Variants in LMO1 observed in about 807,000 individuals in gnomAD.
The protein encoded by LMO1 is LIM domain only 1, also known as rhombotin-1.
Under a neutral mutation model 18.0 loss-of-function variants are expected in LMO1, and 10 were observed. The ratio of observed to expected loss-of-function variants is 0.55; its 90% CI spans 0.34 to 0.94. LMO1 has a LOEUF of 0.94. Ranked by LOEUF, LMO1 falls within the 40% of genes least tolerant of loss-of-function variation. The pLI is 0.02. For missense variants in LMO1, 183 were observed against 205.7 expected, an observed-to-expected ratio of 0.89 and a Z score of 0.68; for synonymous variants, 77 against 77.9, an observed-to-expected ratio of 0.99 and a Z score of 0.06.
At chr11:8,260,527 T>G (rs1327698539) in intron 1 of LMO1, among the ~76,000 whole-genome samples, 3 of 152,172 alleles carry the variant, frequency 2.0e-5, no homozygotes, top group African/African-American at 7.2e-5. Context: ...GACCCTTCAC[T>G]GCTCGACCTA....
In LMO1 at chr11:8,233,789, G is replaced by A. The variant is rs141117597; in HGVS notation, c.26-3285C>T. On this transcript the variant is annotated intron_variant, in intron 1 of 3. Transcript: ENST00000335790. ...AGCCTGGCTCTGGGACCTGAGCCTC[G>A]GGCCATGCACTTTCCATTAAGGAGA... 4.5e-3 allele frequency among the ~76,000 whole-genome samples: 667 copies of A among 149,790 alleles called. 5 individuals are homozygous for A. The highest frequency in any genetic ancestry group is 0.016 in the African/African-American group (647 of 40,590).
chr11:8,239,980 G>C (rs762686214), intron 1 of LMO1, among the ~76,000 whole-genome samples: 1 of 152,196 alleles, frequency 6.6e-6, no homozygotes, highest in African/African-American at 2.4e-5. Flanking sequence ...ACTTGCCCAA[G>C]GGTAAAGCCA....
intron 1 of LMO1, among the ~76,000 whole-genome samples, chr11:8,254,255 A>T (rs925494182): frequency 6.6e-6 from 1 of 152,242 alleles, no homozygotes; most frequent in Non-Finnish European, 1.5e-5. Context: ...CGGAATTACC[A>T]TGGTAACTCA....
At chr11:8,258,660 G>C (rs1847137200) in intron 1 of LMO1, among the ~76,000 whole-genome samples, 1 of 152,208 alleles carries the variant, frequency 6.6e-6, no homozygotes. Context: ...GCAGCTGCCT[G>C]GTCTGACTCT....
chr11:8,237,870 TG>T (rs1952788997), intron 1 of LMO1, among the ~76,000 whole-genome samples: 1 of 152,294 alleles, frequency 6.6e-6, no homozygotes, highest in Non-Finnish European at 1.5e-5. Context: ...GCTTGAATTC[TG>T]GCTTTGGTGC....
chr11:8,261,086 C>T (rs900259103), intron 1 of LMO1, among the ~76,000 whole-genome samples: 3 of 152,126 alleles, frequency 2.0e-5, no homozygotes, highest in Non-Finnish European at 2.9e-5. Flanking sequence ...GAGTGGAGTG[C>T]AGATGCATGA....
In LMO1 at chr11:8,263,875, G is replaced by A. The variant is rs1435681817; in HGVS notation, c.-513C>T. On this transcript the variant is annotated 5_prime_UTR_variant, in exon 1 of 4. Transcript: ENST00000335790. ...TCTCCCGCTGCCTTTCTCCCTCAAT[G>A]TATGAGGTTTGCACTCCTGCTACTG... 2 of 1,039,592 alleles carry A rather than the reference G, an allele frequency of 1.9e-6. No homozygotes were observed. Among genetic ancestry groups the A allele is most frequent in the South Asian group, 4.6e-5 (1 of 21,644 alleles). The allele number at this position is 1,039,592 out of a possible 1,614,324, so 64.4% of individuals were successfully genotyped here.
At chr11:8,266,299 C>T (rs1847260527), upstream of LMO1, among the ~76,000 whole-genome samples, 2 of 152,174 alleles carry the variant, frequency 1.3e-5, no homozygotes, top group Non-Finnish European at 2.9e-5. Flanking sequence ...AGAAACATCA[C>T]TCACCCCATC....
At chr11:8,236,939 G>A (rs12269893) in intron 1 of LMO1, among the ~76,000 whole-genome samples, 4,647 of 152,258 alleles carry the variant, frequency 0.031, 164 homozygotes, top group Admixed American at 0.099. Context: ...GCAGCCGCAC[G>A]CACGTTTAGT....
chr11:8,230,314 G>A lies in LMO1; in HGVS notation c.216C>T (p.Ile72=), dbSNP rs1393097263. The A allele has an allele frequency of 6.2e-6, 10 of 1,613,770 alleles. No homozygotes were observed. In the East Asian group the frequency reaches 2.2e-4, roughly 36 times the overall value. ...GSTLYTKANL[I]LCRRDYLRLF... is the part of the protein sequence containing the mutation. ...ACCTCAGGTAGTCGCGTCGGCACAGGATGAGGTTGGCCTTGGTGTAGAGGG... is the reference window on the plus strand; with the variant it reads ...ACCTCAGGTAGTCGCGTCGGCACAGAATGAGGTTGGCCTTGGTGTAGAGGG... Residue 72 remains isoleucine (I), a synonymous_variant, in exon 2 of 4, where the codon ATC becomes ATT. Coordinates refer to ENST00000335790, the MANE Select transcript of LMO1 (RefSeq NM_002315.3).
chr11:8,224,594 C>T lies in LMO1; in HGVS notation c.*22G>A, dbSNP rs753614754. 1 of 1,478,522 alleles carries T rather than the reference C, an allele frequency of 6.8e-7. No individual in the cohort carries two copies. The highest frequency in any genetic ancestry group is 9.3e-7 in the Non-Finnish European group (1 of 1,077,578). 91.6% of individuals were successfully genotyped at this position (1,478,522 alleles called of 1,614,324 possible). A position where few individuals can be genotyped will look rare whatever the true frequency, so the allele number is the denominator to read the frequency against. ...GCAGGCGGGCAGATGGACAGACGGG[C>T]CTGGAGGCCAGGCGCCGGGCGTTAC... On this transcript the variant is annotated 3_prime_UTR_variant, in exon 4 of 4. Transcript: ENST00000335790.
intron 1 of LMO1, 51 bp downstream of exon 1, chr11:8,263,287 C>T: frequency 1.3e-6 from 2 of 1,567,072 alleles, no homozygotes; most frequent in Non-Finnish European, 1.7e-6. Context: ...CTGCGCGCCG[C>T]GGCAGGGGGC....
At chr11:8,244,280 C>T (rs993504520) in intron 1 of LMO1, among the ~76,000 whole-genome samples, 1 of 152,186 alleles carries the variant, frequency 6.6e-6, no homozygotes, top group Non-Finnish European at 1.5e-5. Flanking sequence ...AAGGAAATTA[C>T]AACATGGGCC....
chr11:8,232,289 C>G (rs1424020520), intron 1 of LMO1, among the ~76,000 whole-genome samples: 1 of 152,196 alleles, frequency 6.6e-6, no homozygotes, highest in East Asian at 1.9e-4. Flanking sequence ...CACAGGATGA[C>G]TCTGTCCTCG....
Position 8,224,778 on chromosome 11 carries a change from G to A in LMO1, c.366-57C>T, listed in dbSNP as rs973141521. On this transcript the variant is annotated intron_variant, in intron 3 of 3. Coordinates refer to ENST00000335790, the MANE Select transcript of LMO1 (RefSeq NM_002315.3). ...GGGAAGGTCCCAGTGGGTAAGGGGG[G>A]GGCTGCAGACAGAAGCCGGCCTGGC... is the stretch of plus-strand genomic sequence containing the variant. 8.3e-6 allele frequency: 10 copies of A among 1,208,160 alleles called. No homozygotes were observed. The East Asian group carries it at 1.0e-4, about 12-fold the overall frequency. The allele number at this position is 1,208,160 out of a possible 1,614,324, so 74.8% of individuals were successfully genotyped here. A position where few individuals can be genotyped will look rare whatever the true frequency, so the allele number is the denominator to read the frequency against.
intron 3 of LMO1, chr11:8,226,759 G>A: frequency 2.5e-6 from 2 of 786,208 alleles, no homozygotes; most frequent in Non-Finnish European, 3.7e-6. Context: ...CCACACAGAT[G>A]TGCACACCCA....
intron 1 of LMO1, among the ~76,000 whole-genome samples, chr11:8,252,689 G>A (rs1847021625): frequency 6.6e-6 from 1 of 152,252 alleles, no homozygotes; most frequent in African/African-American, 2.4e-5. Context: ...GAGGCCCTCA[G>A]TCCAGCAGCC....
At chr11:8,250,387 A>G (rs77773710) in intron 1 of LMO1, among the ~76,000 whole-genome samples, 12,998 of 152,246 alleles carry the variant, frequency 0.085, 615 homozygotes, top group African/African-American at 0.11. Flanking sequence ...TTTGAGAATA[A>G]TATCTCAATA....
intron 1 of LMO1, among the ~76,000 whole-genome samples, chr11:8,248,211 C>G (rs11041823): frequency 0.088 from 13,362 of 152,274 alleles, 662 homozygotes; most frequent in African/African-American, 0.11. Flanking sequence ...ATGCCGCTGC[C>G]GTCAATTTCA....
Sources: gnomAD v4.1 joint callset for allele counts (sites outside exome capture counted in the v4.1 genomes callset) on GRCh38, gnomAD v4.1.1 for gene constraint, MANE v1.5 for transcripts, NCBI Gene and HGNC (gene_info 2026-07-23, HGNC 2026-07-21) for gene names.